Variants in ARHGAP23 observed in about 807,000 individuals in gnomAD.
The protein encoded by ARHGAP23 is rho GTPase-activating protein 23.
A neutral mutation model predicts 136.3 loss-of-function variants in ARHGAP23; 34 were observed. The ratio of observed to expected loss-of-function variants is 0.25; its 90% confidence interval spans 0.19 to 0.33. The LOEUF (loss-of-function observed/expected upper bound fraction) is 0.33. ARHGAP23 is among the 10% of genes least tolerant of loss of function. ARHGAP23 has a pLI of 1.00. For missense variants in ARHGAP23, 1,808 were observed against 2,139.0 expected (o/e 0.85, Z 3.05); for synonymous variants, 832 against 920.5 (o/e 0.90, Z 1.74).
rs112314304 is a variant in ARHGAP23 at position 38,460,733 on chromosome 17, G to A, written c.226-172G>A. Among the ~76,000 whole-genome samples the A allele has an allele frequency of 3.8e-3, 581 of 152,258 alleles. 5 individuals are homozygous for A. Among genetic ancestry groups the A allele is most frequent in the African/African-American group, 0.013 (559 of 41,548 alleles). On this transcript the variant is annotated intron_variant, in intron 2 of 23. Coordinates refer to ENST00000622683, the MANE Select transcript of ARHGAP23 (RefSeq NM_001199417.2). ...GGAGCACATGTCACTGGGGAACTTGGCCTCGGACTTGGTGCCCCTCGGACA... is the reference window on the plus strand; with the variant it reads ...GGAGCACATGTCACTGGGGAACTTGACCTCGGACTTGGTGCCCCTCGGACA...
intron 9 of ARHGAP23, 51 bp from the exon 10 acceptor site, chr17:38,469,796 A>C: frequency 6.5e-7 from 1 of 1,545,816 alleles, no homozygotes; most frequent in South Asian, 1.2e-5. Context: ...CGAGATAGTG[A>C]GGTCCCAGCT....
intron 6 of ARHGAP23, among the ~76,000 whole-genome samples, chr17:38,464,092 A>C (rs1443330302): frequency 6.6e-6 from 1 of 152,134 alleles, no homozygotes; most frequent in African/African-American, 2.4e-5. Flanking sequence ...CCCACGCCGC[A>C]CTATCACAAC....
At chr17:38,424,338 C>T (rs2038549146), upstream of ARHGAP23, among the ~76,000 whole-genome samples, 1 of 152,194 alleles carries the variant, frequency 6.6e-6, no homozygotes, top group East Asian at 1.9e-4. Context: ...TGTCCACACC[C>T]ACCTGTGCTG....
intron 11 of ARHGAP23, among the ~76,000 whole-genome samples, chr17:38,473,522 C>T (rs1270169902): frequency 1.3e-5 from 2 of 152,142 alleles, no homozygotes; most frequent in African/African-American, 4.8e-5. Context: ...TGACTAAGGC[C>T]GCCCTGCTCG....
intron 7 of ARHGAP23, among the ~76,000 whole-genome samples, chr17:38,468,393 A>T (rs2039664490): frequency 6.6e-6 from 1 of 151,924 alleles, no homozygotes; most frequent in Admixed American, 6.6e-5. Context: ...TGAGAGGGGG[A>T]CAAAGTTCAG....
At chr17:38,448,829 A>G (rs550755517) in intron 1 of ARHGAP23, among the ~76,000 whole-genome samples, 1 of 143,154 alleles carries the variant, frequency 7.0e-6, no homozygotes, top group African/African-American at 2.8e-5. Context: ...AATTTTTTGT[A>G]GAGATGGGGT....
intron 20 of ARHGAP23, among the ~76,000 whole-genome samples, chr17:38,492,427 A>G (rs934018848): frequency 1.3e-5 from 2 of 152,114 alleles, no homozygotes; most frequent in African/African-American, 4.8e-5. Flanking sequence ...GCTGGGCCCT[A>G]TCACCCCCAT....
intron 23 of ARHGAP23, among the ~76,000 whole-genome samples, chr17:38,502,267 C>T (rs993120486): frequency 6.6e-6 from 1 of 152,210 alleles, no homozygotes; most frequent in Non-Finnish European, 1.5e-5. Context: ...GGTCGTGCCA[C>T]TGCACTCCAG....
In ARHGAP23 at chr17:38,490,566, C is replaced by T. The variant is rs1447484576; in HGVS notation, c.3150+15C>T. On this transcript the variant is annotated intron_variant, in intron 19 of 23. Transcript: ENST00000622683. Reference sequence around the variant, plus strand: ...AGAAAAACAAGGTGGGTAGGAGTCCCGCATGGAGTCTGGGGGAGGCAAGCA... The same window carrying T: ...AGAAAAACAAGGTGGGTAGGAGTCCTGCATGGAGTCTGGGGGAGGCAAGCA... 11 of 1,508,104 alleles carry T rather than the reference C, an allele frequency of 7.3e-6. No individual in the cohort carries two copies. Among genetic ancestry groups the T allele is most frequent in the South Asian group, 2.4e-5 (2 of 83,082 alleles). 93.4% of individuals were successfully genotyped at this position (1,508,104 alleles called of 1,614,324 possible).
chr17:38,456,801 C>CTG, intron 1 of ARHGAP23, among the ~76,000 whole-genome samples: 1 of 152,180 alleles, frequency 6.6e-6, no homozygotes, highest in Non-Finnish European at 1.5e-5. Flanking sequence ...AGAAACAGAC[C>CTG]TGTGTGCCCC....
At chr17:38,467,420 C>T in intron 7 of ARHGAP23, 89 bp downstream of exon 7, 1 of 1,294,384 alleles carries the variant, frequency 7.7e-7, no homozygotes, top group Non-Finnish European at 1.0e-6. Context: ...CTGCCATGGG[C>T]AGAATTCGGC....
At chr17:38,460,492 C>A (rs535812114) in intron 2 of ARHGAP23, among the ~76,000 whole-genome samples, 1 of 152,282 alleles carries the variant, frequency 6.6e-6, no homozygotes, top group South Asian at 2.1e-4. Context: ...GAGTCCCCTC[C>A]CCAGGAGGAC....
At chr17:38,439,787 T>C (rs1413248276) in intron 1 of ARHGAP23, among the ~76,000 whole-genome samples, 1 of 152,186 alleles carries the variant, frequency 6.6e-6, no homozygotes, top group African/African-American at 2.4e-5. Flanking sequence ...CTTTTTTTTT[T>C]TTTTTGAGAC....
At chr17:38,460,828 C>T (rs2039442496) in intron 2 of ARHGAP23, 77 bp from the exon 3 acceptor site, 1 of 1,535,944 alleles carries the variant, frequency 6.5e-7, no homozygotes, top group African/African-American at 1.4e-5. Context: ...TGAAGGGGCC[C>T]TGCCCACTGG....
rs761012799 is a variant in ARHGAP23 at position 38,466,927 on chromosome 17, G to A, written c.1244G>A (p.Gly415Glu). 6.4e-7 allele frequency: 1 copy of A among 1,550,544 alleles called. No homozygotes were observed. The highest frequency in any genetic ancestry group is 8.7e-7 in the Non-Finnish European group (1 of 1,146,946). ...GGCCTGCAGGGCCTGGATGACCTCG[G>A]GTACATCGGCTACCGGAGCTACAGC... The part of the protein sequence containing the change: ...PSGLQGLDDL[G>E]YIGYRSYSPS... Residue 415 changes from glycine to glutamate, a missense_variant, in exon 7 of 24, where the codon GGG becomes GAG. Around this residue, in one of 7 missense-constraint regions of ARHGAP23, gnomAD observed 859 missense variants for 936.4 expected, o/e 0.92. Transcript: ENST00000622683.
intron 17 of ARHGAP23, among the ~76,000 whole-genome samples, chr17:38,489,389 T>A (rs865862947): frequency 3.5e-4 from 46 of 131,434 alleles, no homozygotes; most frequent in African/African-American, 1.2e-3. Context: ...TAGCCATTTG[T>A]CCCGGGGACA....
At chr17:38,444,256 C>T (rs62073425) in intron 1 of ARHGAP23, among the ~76,000 whole-genome samples, 13,847 of 152,014 alleles carry the variant, frequency 0.091, 1,276 homozygotes, top group African/African-American at 0.23. Context: ...GTCAAGGAGA[C>T]GAGGCATGCC....
At chr17:38,461,317 G>A (rs1250165847) in intron 3 of ARHGAP23, among the ~76,000 whole-genome samples, 1 of 152,238 alleles carries the variant, frequency 6.6e-6, no homozygotes, top group African/African-American at 2.4e-5. Flanking sequence ...GGAGCGCTGA[G>A]CAAAGGCTGT....
intron 22 of ARHGAP23, chr17:38,498,992 G>A (rs1466277332): frequency 2.9e-6 from 2 of 700,174 alleles, no homozygotes; most frequent in Non-Finnish European, 2.6e-6. Context: ...ACTAACAGTG[G>A]CGGGTGATTA....
Sources: gnomAD v4.1 joint callset for allele counts (sites outside exome capture counted in the v4.1 genomes callset) on GRCh38, gnomAD v4.1.1 for gene constraint, gnomAD v4.1.1 regional missense constraint, MANE v1.5 for transcripts, NCBI Gene and HGNC (gene_info 2026-07-23, HGNC 2026-07-21) for gene names.